Variants in SPINK8 observed in about 807,000 individuals in gnomAD.
SPINK8 encodes serine peptidase inhibitor Kazal type 8 (putative).
SPINK8 carries 12 observed loss-of-function variants against 14.4 expected under a neutral mutation model. The observed-to-expected ratio is 0.83, with a 90% CI of 0.53 to 1.35. The LOEUF is 1.35. Ranked by LOEUF, SPINK8 falls within the 40% of genes most tolerant of loss-of-function variation. The pLI is 0.00. For synonymous variants in SPINK8, 32 were observed against 37.6 expected (o/e 0.85, Z 0.55); for missense variants, 103 against 117.0 (o/e 0.88, Z 0.55).
intron 2 of SPINK8, among the ~76,000 whole-genome samples, chr3:48,331,472 G>A (rs2036260176): frequency 6.6e-6 from 1 of 151,992 alleles, no homozygotes; most frequent in Admixed American, 6.6e-5. Flanking sequence ...TTAGGTTTCT[G>A]TACAGCCAAT....
At chr3:48,307,953 T>C (rs918323280) in intron 7 of SPINK8, among the ~76,000 whole-genome samples, 2 of 148,448 alleles carry the variant, frequency 1.3e-5, no homozygotes, top group Non-Finnish European at 3.0e-5. Flanking sequence ...CTGACTTCAG[T>C]CTGCATTCTT....
chr3:48,310,843 C>T (rs934602379), intron 6 of SPINK8, among the ~76,000 whole-genome samples: 1 of 152,122 alleles, frequency 6.6e-6, no homozygotes, highest in Non-Finnish European at 1.5e-5. Flanking sequence ...TTCTTAAACT[C>T]TTCCAAACAA....
At chr3:48,332,638 C>T (rs539747712) in intron 1 of SPINK8, among the ~76,000 whole-genome samples, 167 bp from the exon 2 acceptor site, 81 of 152,298 alleles carry the variant, frequency 5.3e-4, no homozygotes, top group African/African-American at 1.8e-3. Context: ...TGTGGGGAAT[C>T]GTTCTCTTTC....
intron 5 of SPINK8, among the ~76,000 whole-genome samples, chr3:48,320,600 A>G (rs2036060105): frequency 6.6e-6 from 1 of 152,070 alleles, no homozygotes; most frequent in Admixed American, 6.6e-5. Context: ...CTCAGATGGC[A>G]GGGGCTGAAA....
Position 48,310,486 on chromosome 3 carries a change from C to CA in SPINK8, c.240-541dup, listed in dbSNP as rs1396547249. On this transcript the variant is annotated intron_variant, in intron 6 of 7. Coordinates refer to ENST00000434006, the MANE Select transcript of SPINK8 (RefSeq NM_001080525.3). ...AGATGGCTTTAGTACTGAATTCTACCAAAAAAAAAATTTTTTTTTTTTTTT... is the reference window on the plus strand; with the variant it reads ...AGATGGCTTTAGTACTGAATTCTACCAAAAAAAAAAATTTTTTTTTTTTTTT... Among the ~76,000 whole-genome samples, 7 of 146,896 alleles carry CA rather than the reference C, an allele frequency of 4.8e-5. 1 individual carries two copies. Among genetic ancestry groups the CA allele is most frequent in the South Asian group, 2.2e-4 (1 of 4,572 alleles).
At chr3:48,317,636 C>A (rs772324483) in intron 6 of SPINK8, among the ~76,000 whole-genome samples, 2 of 151,614 alleles carry the variant, frequency 1.3e-5, no homozygotes, top group African/African-American at 4.8e-5. Context: ...CTGCCTGAGC[C>A]TCCTGAGTAG....
intron 6 of SPINK8, among the ~76,000 whole-genome samples, chr3:48,315,828 A>G (rs967020334): frequency 2.6e-5 from 4 of 151,984 alleles, no homozygotes; most frequent in African/African-American, 9.7e-5. Flanking sequence ...AATATCAATA[A>G]AGAGACAGAA....
At chr3:48,326,148 T>C (rs2036138455) in intron 4 of SPINK8, among the ~76,000 whole-genome samples, 1 of 152,060 alleles carries the variant, frequency 6.6e-6, no homozygotes, top group Non-Finnish European at 1.5e-5. Flanking sequence ...GAGGGAGATA[T>C]ACCATTGCCC....
chr3:48,311,337 A>G (rs145342176), intron 6 of SPINK8, among the ~76,000 whole-genome samples: 24 of 152,328 alleles, frequency 1.6e-4, no homozygotes, highest in African/African-American at 5.0e-4. Flanking sequence ...GGAACAAGAC[A>G]TGAATACCTG....
intron 7 of SPINK8, among the ~76,000 whole-genome samples, chr3:48,309,307 T>A (rs2035891045): frequency 6.6e-6 from 1 of 152,202 alleles, no homozygotes; most frequent in South Asian, 2.1e-4. Context: ...GACTATAACC[T>A]GGAAGTCAGG....
At position 48,319,588 on chromosome 3, in the gene SPINK8, A is replaced by G. The variant is rs1446302786; in HGVS notation, c.148T>C (p.Trp50Arg). The G allele has an allele frequency of 6.2e-7, 1 of 1,613,862 alleles. No homozygotes were observed. Among genetic ancestry groups the G allele is most frequent in the African/African-American group, 1.3e-5 (1 of 74,934 alleles). ...CTGGGCTTGATGTAGGATAAAAACC[A>G]GCACTTATTTACATTCTTGAGGCAT... ...VECLKNVNKC[W>R]FLSYIKPSEP... The change falls in exon 6 of 8, where the codon TGG (tryptophan) becomes CGG (arginine). Residue 50 changes from tryptophan to arginine, a missense_variant. Trp to Arg is a moderately radical substitution (Grantham distance 101, BLOSUM62 -3). Transcript: ENST00000434006.
rs1386019984 is a variant in SPINK8 at position 48,307,536 on chromosome 3, C to T, written c.283-533G>A. ...TCTCTCTCTCTCCCTCCCTATCTGC[C>T]CCCCACCCCCCCACCTCTTCTGGAA... is the stretch of plus-strand genomic sequence containing the variant. On this transcript the variant is annotated intron_variant, in intron 7 of 7. Coordinates refer to ENST00000434006, the MANE Select transcript of SPINK8 (RefSeq NM_001080525.3). 2.5e-4 allele frequency among the ~76,000 whole-genome samples: 29 copies of T among 115,654 alleles called. No individual in the cohort carries two copies. In the South Asian group the frequency reaches 8.1e-3, roughly 32 times the overall value. 75.9% of individuals were successfully genotyped at this position (115,654 alleles called of 152,430 possible).
intron 6 of SPINK8, among the ~76,000 whole-genome samples, chr3:48,312,252 G>A (rs370025972): frequency 6.6e-6 from 1 of 152,252 alleles, no homozygotes; most frequent in East Asian, 1.9e-4. Flanking sequence ...ATGGCCAATT[G>A]ATTTTCAACA....
chr3:48,319,969 A>G (rs1166626578), intron 5 of SPINK8, among the ~76,000 whole-genome samples: 1 of 151,498 alleles, frequency 6.6e-6, no homozygotes, highest in African/African-American at 2.4e-5. Context: ...TCTCTACTAA[A>G]AATACAAAAA....
chr3:48,327,980 T>A (rs7653337), intron 4 of SPINK8, among the ~76,000 whole-genome samples: 1,710 of 152,276 alleles, frequency 0.011, 34 homozygotes, highest in African/African-American at 0.039. Context: ...TGATTTGAGA[T>A]ATGTAAATAT....
At chr3:48,313,069 C>T (rs1394586551) in intron 6 of SPINK8, among the ~76,000 whole-genome samples, 4 of 151,446 alleles carry the variant, frequency 2.6e-5, no homozygotes, top group Non-Finnish European at 5.9e-5. Flanking sequence ...ATCTTTATGC[C>T]TTTGGATTTT....
At chr3:48,307,347 G>A (rs2035861865) in intron 7 of SPINK8, among the ~76,000 whole-genome samples, 1 of 151,914 alleles carries the variant, frequency 6.6e-6, no homozygotes, top group Non-Finnish European at 1.5e-5. Context: ...GAGTGTCTCA[G>A]GTTTCCCCTT....
intron 7 of SPINK8, among the ~76,000 whole-genome samples, chr3:48,307,509 A>ACT (rs147091697): frequency 2.7e-5 from 3 of 112,420 alleles, no homozygotes; most frequent in South Asian, 2.9e-4. Context: ...TTCTCTTCCT[A>ACT]CTCTCTCTCT....
intron 7 of SPINK8, among the ~76,000 whole-genome samples, chr3:48,309,117 T>C (rs547786210): frequency 3.9e-5 from 6 of 152,214 alleles, no homozygotes; most frequent in Non-Finnish European, 8.8e-5. Context: ...GAGTTTGTCA[T>C]GGAGATGGTG....
Sources: gnomAD v4.1 joint callset for allele counts (sites outside exome capture counted in the v4.1 genomes callset) on GRCh38, gnomAD v4.1.1 for gene constraint, MANE v1.5 for transcripts, NCBI Gene and HGNC (gene_info 2026-07-23, HGNC 2026-07-21) for gene names.